Variants in DNAJC24 observed in about 807,000 individuals in gnomAD.
DNAJC24 encodes the protein DnaJ heat shock protein family (Hsp40) member C24.
A neutral mutation model predicts 18.0 loss-of-function variants in DNAJC24; 17 were observed. The observed-to-expected ratio is 0.94, with a 90% CI of 0.65 to 1.42. The LOEUF (loss-of-function observed/expected upper bound fraction) is 1.42. DNAJC24 is among the 40% of genes most tolerant of loss of function. The probability of loss-of-function intolerance (pLI) is 0.00; values close to 1 mark genes in which losing one functional copy is unlikely to be tolerated. For missense variants in DNAJC24, 158 were observed against 175.6 expected (o/e 0.90, Z 0.57); for synonymous variants, 55 against 57.7 (o/e 0.95, Z 0.21).
chr11:31,378,239 T>C (rs1196189232), intron 2 of DNAJC24, among the ~76,000 whole-genome samples: 2 of 152,162 alleles, frequency 1.3e-5, no homozygotes, highest in Non-Finnish European at 2.9e-5. Flanking sequence ...ATCTGGAAGA[T>C]ATAACTTGTC....
At chr11:31,410,111 G>T (rs1191973014) in intron 2 of DNAJC24, among the ~76,000 whole-genome samples, 3 of 151,986 alleles carry the variant, frequency 2.0e-5, no homozygotes, top group Non-Finnish European at 4.4e-5. Flanking sequence ...TCAAACTCCT[G>T]ACCTCAGGTG....
At chr11:31,384,017 TTTGA>T (rs1952403919) in intron 2 of DNAJC24, among the ~76,000 whole-genome samples, 1 of 152,250 alleles carries the variant, frequency 6.6e-6, no homozygotes, top group Non-Finnish European at 1.5e-5. Context: ...GTTCTTTGTC[TTTGA>T]TTGTTTTTCC....
chr11:31,427,052 T>C (rs1011572185), intron 4 of DNAJC24: 1 of 152,190 alleles, frequency 6.6e-6, no homozygotes, highest in Non-Finnish European at 1.5e-5. Context: ...CCATACTTAC[T>C]TGTTTCTCTG....
intron 3 of DNAJC24, among the ~76,000 whole-genome samples, chr11:31,422,379 C>G (rs1952815154): frequency 6.6e-6 from 1 of 152,094 alleles, no homozygotes; most frequent in Non-Finnish European, 1.5e-5. Flanking sequence ...AAGAGTATAC[C>G]ATATGCCAGA....
chr11:31,388,324 G>A (rs1952451543), intron 2 of DNAJC24, among the ~76,000 whole-genome samples: 1 of 152,092 alleles, frequency 6.6e-6, no homozygotes, highest in African/African-American at 2.4e-5. Flanking sequence ...TTAATAATCA[G>A]ATTCCCAAAG....
chr11:31,396,185 A>G, intron 2 of DNAJC24: 1 of 414,784 alleles, frequency 2.4e-6, no homozygotes, highest in Non-Finnish European at 4.8e-6. Context: ...ATACTGTTGT[A>G]AGTCTTGAAT....
chr11:31,382,205 AG>A (rs974109885), intron 2 of DNAJC24, among the ~76,000 whole-genome samples: 15 of 152,316 alleles, frequency 9.8e-5, no homozygotes, highest in African/African-American at 3.4e-4. Context: ...CTGTATATAT[AG>A]CACAGTAATT....
intron 4 of DNAJC24, 56 bp downstream of exon 4, chr11:31,426,411 GA>G (rs1297934257): frequency 5.4e-5 from 53 of 983,868 alleles, no homozygotes; most frequent in Middle Eastern, 2.6e-4. Context: ...TTTTCTATAA[GA>G]AAAAAAAACT....
In DNAJC24 at chr11:31,406,835, G is replaced by A. The variant is rs375418660; in HGVS notation, c.112-7976G>A. Among the ~76,000 whole-genome samples the A allele has an allele frequency of 2.0e-5, 3 of 152,082 alleles. No homozygotes were observed. In the East Asian group the frequency reaches 5.8e-4, roughly 29 times the overall value. ...AGATTTGGCAGTTCATGGGAGGAGG[G>A]AAAGAGGGGTTACCCTAATATTGAT... On this transcript the variant is annotated intron_variant, in intron 2 of 4. Transcript: ENST00000465995.
chr11:31,370,331 G>T (rs1952206856), intron 1 of DNAJC24, among the ~76,000 whole-genome samples: 1 of 151,672 alleles, frequency 6.6e-6, no homozygotes, highest in Non-Finnish European at 1.5e-5. Flanking sequence ...TTTTTTATTC[G>T]TTCATTTTGT....
chr11:31,422,481 G>A (rs1952816599), intron 3 of DNAJC24, among the ~76,000 whole-genome samples: 1 of 152,074 alleles, frequency 6.6e-6, no homozygotes, highest in Non-Finnish European at 1.5e-5. Flanking sequence ...TCTTGGATCT[G>A]TTCATTTAAT....
intron 2 of DNAJC24, among the ~76,000 whole-genome samples, chr11:31,380,706 T>C (rs1368637924): frequency 6.6e-6 from 1 of 152,206 alleles, no homozygotes; most frequent in African/African-American, 2.4e-5. Context: ...TGTACCTATT[T>C]TAGTACATTT....
intron 2 of DNAJC24, among the ~76,000 whole-genome samples, chr11:31,397,950 G>A (rs370324606): frequency 6.6e-6 from 1 of 151,870 alleles, no homozygotes; most frequent in Non-Finnish European, 1.5e-5. Flanking sequence ...TTACAGGAGC[G>A]TGCCACCATG....
chr11:31,388,250 T>G (rs1165793349), intron 2 of DNAJC24, among the ~76,000 whole-genome samples: 2 of 151,986 alleles, frequency 1.3e-5, no homozygotes, highest in African/African-American at 4.8e-5. Context: ...ATATCAATAT[T>G]CAAGTACAAG....
Position 31,381,575 on chromosome 11 carries a change from A to T in DNAJC24, c.111+10716A>T, listed in dbSNP as rs542683906. 2.4e-3 allele frequency among the ~76,000 whole-genome samples: 343 copies of T among 142,238 alleles called. 2 individuals are homozygous for T. Among genetic ancestry groups the T allele is most frequent in the African/African-American group, 8.1e-3 (312 of 38,582 alleles). 93.3% of individuals were successfully genotyped at this position (142,238 alleles called of 152,430 possible). ...TACTTTTTGGTTATCTCAAAAAAAAATTTTTTTTTTTTTTTTTGAGATGGA... is the reference window on the plus strand; with the variant it reads ...TACTTTTTGGTTATCTCAAAAAAAATTTTTTTTTTTTTTTTTTGAGATGGA... On this transcript the variant is annotated intron_variant, in intron 2 of 4. Coordinates refer to ENST00000465995, the MANE Select transcript of DNAJC24 (RefSeq NM_181706.5).
intron 2 of DNAJC24, among the ~76,000 whole-genome samples, chr11:31,409,741 T>G (rs1402413498): frequency 6.6e-6 from 1 of 152,210 alleles, no homozygotes; most frequent in African/African-American, 2.4e-5. Flanking sequence ...CGTGGATGTG[T>G]GATTTTCATT....
rs545556727 is a variant in DNAJC24 at position 31,374,566 on chromosome 11, C to T, written c.111+3707C>T. 3.7e-4 allele frequency among the ~76,000 whole-genome samples: 50 copies of T among 133,966 alleles called. 3 individuals are homozygous for T. Among genetic ancestry groups the T allele is most frequent in the African/African-American group, 1.1e-3 (43 of 40,178 alleles). The allele number at this position is 133,966 out of a possible 152,430, so 87.9% of individuals were successfully genotyped here. Reference sequence around the variant, plus strand: ...ATATTTGTCTGTAATTTTCTTTTCTCGTAATGTTTATGTCTAAATTTAGTA... The same window carrying T: ...ATATTTGTCTGTAATTTTCTTTTCTTGTAATGTTTATGTCTAAATTTAGTA... On this transcript the variant is annotated intron_variant, in intron 2 of 4. Coordinates refer to ENST00000465995, the MANE Select transcript of DNAJC24 (RefSeq NM_181706.5).
chr11:31,420,750 G>A (rs1952795972), intron 3 of DNAJC24, among the ~76,000 whole-genome samples: 1 of 151,956 alleles, frequency 6.6e-6, no homozygotes, highest in Non-Finnish European at 1.5e-5. Flanking sequence ...GTAGTTGATC[G>A]GGGGGGAATT....
At chr11:31,420,995 T>G (rs779034569) in intron 3 of DNAJC24, among the ~76,000 whole-genome samples, 3 of 152,190 alleles carry the variant, frequency 2.0e-5, no homozygotes, top group African/African-American at 7.2e-5. Flanking sequence ...TCCACAGTTA[T>G]TCAAGTTCAT....
Sources: allele counts gnomAD v4.1 joint callset (sites outside exome capture counted in the v4.1 genomes callset), GRCh38; gene constraint gnomAD v4.1.1; transcripts MANE v1.5; gene names NCBI Gene and HGNC (gene_info 2026-07-23, HGNC 2026-07-21).